Variants in FRMD5 observed in about 807,000 individuals in gnomAD.
FRMD5 encodes FERM domain containing 5.
In FRMD5, 20 loss-of-function variants were observed where a neutral mutation model predicts 69.0. The observed-to-expected ratio is 0.29, with a 90% CI of 0.20 to 0.42. The LOEUF is 0.42. Ranked by LOEUF, FRMD5 falls within the 10% of genes least tolerant of loss-of-function variation. FRMD5 has a pLI of 1.00. For missense variants in FRMD5, 595 were observed against 708.6 expected (o/e 0.84, Z 1.82); for synonymous variants, 271 against 260.1 (o/e 1.04, Z -0.40).
intron 12 of FRMD5, among the ~76,000 whole-genome samples, chr15:43,884,309 C>T (rs1293898795): frequency 6.6e-6 from 1 of 152,134 alleles, no homozygotes; most frequent in Non-Finnish European, 1.5e-5. Context: ...AGATAGGCTT[C>T]TGGAAACACA....
chr15:44,176,760 A>C (rs1324107163), intron 1 of FRMD5, among the ~76,000 whole-genome samples: 1 of 152,152 alleles, frequency 6.6e-6, no homozygotes, highest in African/African-American at 2.4e-5. Flanking sequence ...ACAAATGGCC[A>C]GTAAACATAC....
intron 1 of FRMD5, among the ~76,000 whole-genome samples, chr15:44,173,183 A>G (rs1278380718): frequency 2.6e-5 from 4 of 152,232 alleles, no homozygotes; most frequent in Admixed American, 2.6e-4. Context: ...ATCCCAGAGG[A>G]AAGGCAGGCA....
chr15:43,945,968 C>T (rs547519140), intron 1 of FRMD5, among the ~76,000 whole-genome samples: 1 of 152,136 alleles, frequency 6.6e-6, no homozygotes, highest in African/African-American at 2.4e-5. Context: ...AGACACAGAA[C>T]TGCTTAAACC....
rs141620068 is a variant in FRMD5, at chr15:44,041,405, T to C, written c.103-117096A>G. 4.8e-3 allele frequency among the ~76,000 whole-genome samples: 736 copies of C among 152,116 alleles called. 12 individuals are homozygous for C. The highest frequency in any genetic ancestry group is 0.017 in the African/African-American group (705 of 41,486). On this transcript the variant is annotated intron_variant, in intron 1 of 13. Coordinates refer to ENST00000417257, the MANE Select transcript of FRMD5 (RefSeq NM_032892.5). ...AATATACATTCTGCTCAGCACCACATTGCGCTTATTCTAAAATTGACCACA... is the reference window on the plus strand; with the variant it reads ...AATATACATTCTGCTCAGCACCACACTGCGCTTATTCTAAAATTGACCACA...
intron 1 of FRMD5, among the ~76,000 whole-genome samples, chr15:44,038,520 C>CT (rs71111834): frequency 4.1e-4 from 26 of 63,200 alleles, no homozygotes; most frequent in African/African-American, 1.1e-3. Context: ...CTAGCCAGAG[C>CT]TTTTTTTTTT....
At chr15:44,197,548 G>A (rs945371734), upstream of FRMD5, among the ~76,000 whole-genome samples, 9 of 151,886 alleles carry the variant, frequency 5.9e-5, no homozygotes, top group South Asian at 8.3e-4. Context: ...CGGGCATGGT[G>A]GCATGTGTCT....
chr15:43,937,247 G>A (rs1466999960), intron 1 of FRMD5, among the ~76,000 whole-genome samples: 1 of 152,182 alleles, frequency 6.6e-6, no homozygotes, highest in Non-Finnish European at 1.5e-5. Context: ...ATCAATGGGT[G>A]ATAAATGATA....
Position 44,012,761 on chromosome 15 carries a change from G to GTTT in FRMD5, c.103-88455_103-88453dup, listed in dbSNP as rs35690752. ...TTATTGGTTACTGGCAAGTTATTGG[G>GTTT]TTTTTTTTTTTTTTTTTTTTTTGAG... On this transcript the variant is annotated intron_variant, in intron 1 of 13. Transcript: ENST00000417257. Among the ~76,000 whole-genome samples the GTTT allele has an allele frequency of 8.7e-4, 105 of 120,802 alleles. 1 individual carries two copies. The highest frequency in any genetic ancestry group is 1.8e-3 in the African/African-American group (59 of 32,202). The allele number at this position is 120,802 out of a possible 152,430, so 79.3% of individuals were successfully genotyped here. A position where few individuals can be genotyped will look rare whatever the true frequency, so the allele number is the denominator to read the frequency against.
At chr15:44,116,406 C>T (rs1247523628) in intron 1 of FRMD5, among the ~76,000 whole-genome samples, 4 of 152,008 alleles carry the variant, frequency 2.6e-5, no homozygotes, top group Admixed American at 2.6e-4. Flanking sequence ...ACTAAGGACG[C>T]CACCACACCC....
At chr15:44,159,882 CAG>C (rs909253650) in intron 1 of FRMD5, among the ~76,000 whole-genome samples, 9 of 152,184 alleles carry the variant, frequency 5.9e-5, no homozygotes, top group African/African-American at 1.9e-4. Context: ...CCCAGACAAT[CAG>C]GGGCTATGAC....
intron 1 of FRMD5, among the ~76,000 whole-genome samples, chr15:44,054,872 C>A (rs1470090606): frequency 6.6e-6 from 1 of 151,930 alleles, no homozygotes; most frequent in Admixed American, 6.6e-5. Flanking sequence ...GAGTTCAAAA[C>A]CAGCCTGATC....
At chr15:44,006,441 T>C (rs548707749) in intron 1 of FRMD5, among the ~76,000 whole-genome samples, 6 of 152,226 alleles carry the variant, frequency 3.9e-5, no homozygotes, top group Non-Finnish European at 5.9e-5. Context: ...TGGTAGCCCA[T>C]GGATCAAGGA....
intron 1 of FRMD5, among the ~76,000 whole-genome samples, chr15:43,994,335 T>TA (rs1889824857): frequency 2.0e-5 from 3 of 152,186 alleles, no homozygotes; most frequent in African/African-American, 4.8e-5. Context: ...TTTGAATGCG[T>TA]AAAAAAACTC....
At chr15:43,995,200 GTACC>G (rs1889863651) in intron 1 of FRMD5, among the ~76,000 whole-genome samples, 1 of 152,124 alleles carries the variant, frequency 6.6e-6, no homozygotes, top group African/African-American at 2.4e-5. Flanking sequence ...ATTACTAGTA[GTACC>G]TAATACAAAG....
At chr15:43,884,655 T>C in intron 12 of FRMD5, 72 bp downstream of exon 12, 1 of 1,403,890 alleles carries the variant, frequency 7.1e-7, no homozygotes, top group South Asian at 1.2e-5. Flanking sequence ...GGCTTCACAG[T>C]ACTCAAACTG....
At chr15:44,110,349 T>C (rs969723996) in intron 1 of FRMD5, among the ~76,000 whole-genome samples, 1 of 152,216 alleles carries the variant, frequency 6.6e-6, no homozygotes, top group Non-Finnish European at 1.5e-5. Flanking sequence ...CACAGCACCA[T>C]GCCCAGCTAC....
chr15:43,884,271 A>G (rs1314730667), intron 12 of FRMD5, among the ~76,000 whole-genome samples: 1 of 152,184 alleles, frequency 6.6e-6, no homozygotes, highest in East Asian at 1.9e-4. Flanking sequence ...TTGGTCAGTC[A>G]TATTCTTTCT....
At chr15:44,084,964 A>G (rs1566937893) in intron 1 of FRMD5, among the ~76,000 whole-genome samples, 1 of 152,090 alleles carries the variant, frequency 6.6e-6, no homozygotes. Context: ...GGTATAAACC[A>G]CATCCAGATA....
intron 1 of FRMD5, among the ~76,000 whole-genome samples, chr15:44,132,853 G>A (rs777298420): frequency 3.3e-5 from 5 of 150,932 alleles, no homozygotes; most frequent in African/African-American, 7.3e-5. Context: ...CGTCTCCCGG[G>A]TTCAAGCAAT....
Sources: allele counts gnomAD v4.1 joint callset (sites outside exome capture counted in the v4.1 genomes callset), GRCh38; gene constraint gnomAD v4.1.1; transcripts MANE v1.5; gene names NCBI Gene and HGNC (gene_info 2026-07-23, HGNC 2026-07-21).